The following TBC1D22B variants were observed in gnomAD, a reference collection of about 807,000 sequenced individuals.
The protein encoded by TBC1D22B is TBC1 domain family member 22B, also known as chromosome 6 open reading frame 197.
TBC1D22B carries 32 observed loss-of-function variants against 69.1 expected under a neutral mutation model. The ratio of observed to expected loss-of-function variants is 0.46; its 90% CI spans 0.35 to 0.62. TBC1D22B has a LOEUF of 0.62. Among genes scored for constraint, TBC1D22B ranks in the 20% least tolerant of loss-of-function variants. TBC1D22B has a pLI of 0.00. For synonymous variants in TBC1D22B, 206 were observed against 229.8 expected, an observed-to-expected ratio of 0.90 and a Z score of 0.94; for missense variants, 462 against 630.9, an observed-to-expected ratio of 0.73 and a Z score of 2.87.
At chr6:37,284,230 A>G in intron 5 of TBC1D22B, 106 bp from the exon 6 acceptor site, 1 of 1,559,134 alleles carries the variant, frequency 6.4e-7, no homozygotes, top group Non-Finnish European at 8.8e-7. Flanking sequence ...TACCCTTGGC[A>G]GTTTTCCTTC....
chr6:37,311,928 A>G (rs1459053859), intron 8 of TBC1D22B, among the ~76,000 whole-genome samples: 1 of 152,218 alleles, frequency 6.6e-6, no homozygotes, highest in African/African-American at 2.4e-5. Flanking sequence ...TCTCTGTGAC[A>G]GGAAGTGGGA....
At chr6:37,312,877 T>C (rs1441420730) in intron 8 of TBC1D22B, 41 bp from the exon 9 acceptor site, 9 of 1,526,940 alleles carry the variant, frequency 5.9e-6, no homozygotes, top group Non-Finnish European at 7.3e-6. Context: ...TCTCCATTTT[T>C]AGATAAGACC....
intron 8 of TBC1D22B, among the ~76,000 whole-genome samples, chr6:37,301,027 T>A (rs1378014888): frequency 1.3e-5 from 2 of 152,212 alleles, no homozygotes; most frequent in Non-Finnish European, 2.9e-5. Flanking sequence ...TGTTTGTGAC[T>A]ATTTTAGATA....
chr6:37,275,098 TGGCATTCTTTTACATTGA>T (rs1766625543), intron 2 of TBC1D22B, among the ~76,000 whole-genome samples: 1 of 152,272 alleles, frequency 6.6e-6, no homozygotes, highest in East Asian at 1.9e-4. Flanking sequence ...AGCCACACTG[TGGCATTCTTTTACATTGA>T]GTTAAGTGTA....
chr6:37,322,646 C>T (rs557052129), intron 12 of TBC1D22B, among the ~76,000 whole-genome samples: 1 of 152,196 alleles, frequency 6.6e-6, no homozygotes, highest in Non-Finnish European at 1.5e-5. Context: ...ATTCCCAACA[C>T]CCATTGGCAG....
At chr6:37,288,371 T>C (rs7759469) in intron 7 of TBC1D22B, among the ~76,000 whole-genome samples, 4,850 of 152,278 alleles carry the variant, frequency 0.032, 245 homozygotes, top group African/African-American at 0.11. Flanking sequence ...TTCTTTTACC[T>C]GTGCATGCTT....
At chr6:37,317,652 A>G (rs1358048432) in intron 12 of TBC1D22B, among the ~76,000 whole-genome samples, 2 of 152,220 alleles carry the variant, frequency 1.3e-5, no homozygotes. Context: ...GTGCTAAGAA[A>G]TAATATTTTT....
chr6:37,283,232 A>G (rs1766894467), intron 5 of TBC1D22B, among the ~76,000 whole-genome samples: 1 of 152,216 alleles, frequency 6.6e-6, no homozygotes, highest in Non-Finnish European at 1.5e-5. Context: ...TGATCCCAGC[A>G]CTTGCTTTGA....
At chr6:37,281,443 G>A (rs1766825620) in intron 3 of TBC1D22B, among the ~76,000 whole-genome samples, 1 of 152,210 alleles carries the variant, frequency 6.6e-6, no homozygotes, top group Admixed American at 6.5e-5. Flanking sequence ...TGTTATTTCA[G>A]TCATATCTTG....
intron 1 of TBC1D22B, among the ~76,000 whole-genome samples, chr6:37,268,769 G>A (rs1014010970): frequency 2.1e-4 from 32 of 152,068 alleles, no homozygotes; most frequent in South Asian, 8.3e-4. Context: ...AGTTTTTGAA[G>A]TCTATATAAG....
chr6:37,323,311 T>C (rs1008921814), intron 12 of TBC1D22B, among the ~76,000 whole-genome samples: 1 of 152,154 alleles, frequency 6.6e-6, no homozygotes, highest in Non-Finnish European at 1.5e-5. Flanking sequence ...GAGGATCGCT[T>C]GAGCCCAGGA....
chr6:37,289,934 G>A (rs1767125431), intron 7 of TBC1D22B, among the ~76,000 whole-genome samples: 1 of 152,236 alleles, frequency 6.6e-6, no homozygotes, highest in African/African-American at 2.4e-5. Flanking sequence ...AGAGAGGCCA[G>A]CTCCCTTCCA....
intron 2 of TBC1D22B, among the ~76,000 whole-genome samples, chr6:37,271,802 G>A (rs1186998886): frequency 6.7e-6 from 1 of 148,706 alleles, no homozygotes; most frequent in Non-Finnish European, 1.5e-5. Context: ...ACAGTCTTCT[G>A]AATTACTGAG....
At chr6:37,299,815 A>T (rs904897125) in intron 8 of TBC1D22B, among the ~76,000 whole-genome samples, 4 of 151,762 alleles carry the variant, frequency 2.6e-5, no homozygotes, top group Non-Finnish European at 4.4e-5. Context: ...TTCCAGACCA[A>T]TTTGGTCAAC....
chr6:37,267,860 A>G (rs1260861596), intron 1 of TBC1D22B, among the ~76,000 whole-genome samples: 1 of 152,214 alleles, frequency 6.6e-6, no homozygotes, highest in East Asian at 1.9e-4. Context: ...TAGATTTGCA[A>G]ATTGAGCTAT....
intron 8 of TBC1D22B, among the ~76,000 whole-genome samples, chr6:37,309,583 C>A (rs930411114): frequency 1.3e-5 from 2 of 152,094 alleles, no homozygotes; most frequent in Non-Finnish European, 2.9e-5. Context: ...AAAGAGGGAG[C>A]TGCTGCCTAG....
chr6:37,288,399 GA>G (rs1767072394), intron 7 of TBC1D22B, among the ~76,000 whole-genome samples: 1 of 152,188 alleles, frequency 6.6e-6, no homozygotes, highest in African/African-American at 2.4e-5. Flanking sequence ...ATTTGGAGAT[GA>G]GGAAAGTAGT....
At chr6:37,305,448 G>A (rs1035009377) in intron 8 of TBC1D22B, among the ~76,000 whole-genome samples, 1 of 151,662 alleles carries the variant, frequency 6.6e-6, no homozygotes, top group Non-Finnish European at 1.5e-5. Context: ...TCCCTACCCC[G>A]TCCTCTCCTC....
chr6:37,300,805 A>G (rs977729693), intron 8 of TBC1D22B, among the ~76,000 whole-genome samples: 22 of 152,100 alleles, frequency 1.4e-4, no homozygotes, highest in East Asian at 5.8e-4. Flanking sequence ...TCTTTTTCTC[A>G]TAGTGATAAG....
Sources: allele counts gnomAD v4.1 joint callset (sites outside exome capture counted in the v4.1 genomes callset), GRCh38; gene constraint gnomAD v4.1.1; transcripts MANE v1.5; gene names NCBI Gene and HGNC (gene_info 2026-07-23, HGNC 2026-07-21).